NCKIPSD: variants seen among roughly 807,000 people sequenced by gnomAD.
The protein encoded by NCKIPSD is NCK interacting protein with SH3 domain.
NCKIPSD carries 48 observed loss-of-function variants against 73.4 expected under a neutral mutation model. That is an observed-to-expected ratio of 0.65 (90% CI 0.52 to 0.83). The LOEUF is 0.83. NCKIPSD is among the 40% of genes least tolerant of loss of function. The pLI is 0.00. For missense variants in NCKIPSD, 884 were observed against 970.2 expected, an observed-to-expected ratio of 0.91 and a Z score of 1.18; for synonymous variants, 422 against 403.6, an observed-to-expected ratio of 1.05 and a Z score of -0.54.
chr3:48,680,685 T>G (rs773796587), intron 5 of NCKIPSD, among the ~76,000 whole-genome samples: 1 of 152,060 alleles, frequency 6.6e-6, no homozygotes, highest in Non-Finnish European at 1.5e-5. Flanking sequence ...ACAGGAACCA[T>G]GGAGCACTAA....
chr3:48,676,019 TGCCTGCACATCAAACACCAGC>T (rs2077251686), intron 12 of NCKIPSD, among the ~76,000 whole-genome samples: 1 of 152,182 alleles, frequency 6.6e-6, no homozygotes, highest in African/African-American at 2.4e-5. Context: ...CATACTGAGG[TGCCTGCACATCAAACACCAGC>T]GTCTAAGCTA....
chr3:48,682,766 C>G, intron 2 of NCKIPSD, 137 bp downstream of exon 2: 1 of 1,321,798 alleles, frequency 7.6e-7, no homozygotes, highest in Non-Finnish European at 1.0e-6. Flanking sequence ...CCACCTTGCT[C>G]ACTGGGAGGT....
At chr3:48,682,756 C>T (rs1223111637) in intron 2 of NCKIPSD, 147 bp downstream of exon 2, 1 of 1,276,348 alleles carries the variant, frequency 7.8e-7, no homozygotes, top group African/African-American at 1.5e-5. Context: ...GGACCCGACC[C>T]CACCTTGCTC....
chr3:48,679,340 G>T, intron 9 of NCKIPSD, 37 bp downstream of exon 9: 1 of 1,613,650 alleles, frequency 6.2e-7, no homozygotes, highest in South Asian at 1.1e-5. Context: ...CCCTGGCTTA[G>T]GACCTGTGAT....
rs992834641 is a variant in NCKIPSD, at chr3:48,685,873, G to A, written c.-66C>T. 7 of 1,313,234 alleles carry A rather than the reference G, an allele frequency of 5.3e-6. No individual in the cohort carries two copies. Among genetic ancestry groups the A allele is most frequent in the East Asian group, 6.3e-5 (2 of 31,846 alleles). The allele number at this position is 1,313,234 out of a possible 1,614,324, so 81.3% of individuals were successfully genotyped here. A position where few individuals can be genotyped will look rare whatever the true frequency, so the allele number is the denominator to read the frequency against. On this transcript the variant is annotated 5_prime_UTR_variant, in exon 1 of 13. Transcript: ENST00000294129. ...GCGGCGCCACAACGCCAGGCCGGGA[G>A]CGCCGAGCCGCGCCGCGGTTGTCCC...
In NCKIPSD at chr3:48,682,933, T is replaced by G; in HGVS notation, c.251A>C (p.Lys84Thr). The change falls in exon 2 of 13, where the codon AAG becomes ACG. Residue 84 changes from lysine (K) to threonine (T), a missense_variant. Lys to Thr is a moderately conservative substitution (Grantham distance 78). Coordinates refer to ENST00000294129, the MANE Select transcript of NCKIPSD (RefSeq NM_016453.4). The part of the protein sequence containing the change: ...VHNTAMRDGG[K>T]YSLEQRGVLQ... ...GACTCCACGCTGTTCCAGGCTGTAC[T>G]TGCCACCATCCCGCATGGCTGTGTT... 1 of 1,552,986 alleles carries G rather than the reference T, an allele frequency of 6.4e-7. No homozygotes were observed. The highest frequency in any genetic ancestry group is 8.7e-7 in the Non-Finnish European group (1 of 1,148,404).
intron 2 of NCKIPSD, 37 bp from the exon 3 acceptor site, chr3:48,682,589 T>C: frequency 1.2e-6 from 2 of 1,605,968 alleles, no homozygotes; most frequent in South Asian, 1.1e-5. Context: ...GGGGGTTGCA[T>C]CTCACAGCTC....
Position 48,674,638 on chromosome 3 carries a change from T to C in NCKIPSD, c.2075A>G (p.Asn692Ser). The C allele has an allele frequency of 6.2e-7, 1 of 1,613,690 alleles. No homozygotes were observed. The highest frequency in any genetic ancestry group is 8.5e-7 in the Non-Finnish European group (1 of 1,179,854). ...DLQAILRRIL[N>S]EEETSPQCQM... is the part of the protein sequence containing the mutation. Reference sequence around the variant, plus strand: ...GCACTGGGGTGAGGTCTCCTCCTCATTCAGGATGCGTCGCAGTATGGCCTG... The same window carrying C: ...GCACTGGGGTGAGGTCTCCTCCTCACTCAGGATGCGTCGCAGTATGGCCTG... The change falls in exon 13 of 13, where the codon AAT (asparagine) becomes AGT (serine). Residue 692 changes from asparagine to serine, a missense_variant. By Grantham distance (46) the Asn-to-Ser change is conservative. Coordinates refer to ENST00000294129, the MANE Select transcript of NCKIPSD (RefSeq NM_016453.4).
In NCKIPSD at chr3:48,682,538, T is replaced by C. The variant is rs771902107; in HGVS notation, c.296A>G (p.His99Arg). 1 of 1,613,950 alleles carries C rather than the reference T, an allele frequency of 6.2e-7. No individual in the cohort carries two copies. Among genetic ancestry groups the C allele is most frequent in the Admixed American group, 1.7e-5 (1 of 60,018 alleles). ...TCTGCGTGACAGGGTCTCTTTCCGGTGGTGGATCAGCTTCCTGATGGAAGG... is the reference window on the plus strand; with the variant it reads ...TCTGCGTGACAGGGTCTCTTTCCGGCGGTGGATCAGCTTCCTGATGGAAGG... ...QRGVLQKLIH[H>R]RKETLSRRGP... is the part of the protein sequence containing the mutation. The change falls in exon 3 of 13, where the codon CAC (histidine) becomes CGC (arginine). Residue 99 changes from histidine to arginine, a missense_variant. By Grantham distance (29) the His-to-Arg change is conservative. Transcript: ENST00000294129.
chr3:48,681,394 C>T lies in NCKIPSD; in HGVS notation c.985G>A (p.Glu329Lys), dbSNP rs137864991. 98 of 1,612,418 alleles carry T rather than the reference C, an allele frequency of 6.1e-5. No individual in the cohort carries two copies. The African/African-American group carries it at 1.1e-3, about 18-fold the overall frequency. ...LVRRNTGLSH[E>K]LCRVAIGIIV... ...ATGCCGATGGCCACCCGGCATAATTCGTGGCTCAGGCCAGTGTTTCTCCGC... is the reference window on the plus strand; with the variant it reads ...ATGCCGATGGCCACCCGGCATAATTTGTGGCTCAGGCCAGTGTTTCTCCGC... Residue 329 changes from glutamate (E) to lysine (K), a missense_variant, in exon 5 of 13, where the codon GAA becomes AAA. Transcript: ENST00000294129.
intron 1 of NCKIPSD, 91 bp from the exon 2 acceptor site, chr3:48,683,103 A>G: frequency 7.8e-6 from 12 of 1,535,614 alleles, no homozygotes; most frequent in Admixed American, 2.0e-5. Context: ...AGGGCAGAGA[A>G]CCAATATAGC....
At position 48,679,407 on chromosome 3, in the gene NCKIPSD, T is replaced by C. The variant is rs1373784749; in HGVS notation, c.1540A>G (p.Met514Val). The change falls in exon 9 of 13, where the codon ATG becomes GTG. Residue 514 changes from methionine (M) to valine (V), a missense_variant. Physicochemically the swap from Met to Val is conservative, Grantham distance 21. Coordinates refer to ENST00000294129, the MANE Select transcript of NCKIPSD (RefSeq NM_016453.4). Reference sequence around the variant, plus strand: ...TGTGCATAGGGCACTGCCTCTCCCATGGAGAAGACCATGGCCAGGATGAGG... The same window carrying C: ...TGTGCATAGGGCACTGCCTCTCCCACGGAGAAGACCATGGCCAGGATGAGG... Reference protein sequence around the residue: ...SALILAMVFSMGEAVPYAHYE... With the variant: ...SALILAMVFSVGEAVPYAHYE... 8 of 1,614,032 alleles carry C rather than the reference T, an allele frequency of 5.0e-6. No individual in the cohort carries two copies. The highest frequency in any genetic ancestry group is 1.3e-5 in the African/African-American group (1 of 75,008).
Position 48,679,963 on chromosome 3 carries a change from A to G in NCKIPSD, c.1264-76T>C, listed in dbSNP as rs114067341. ...AGCCGCACAAGAGAGGGCTGAGCAC[A>G]TATGTGTAGGGGAGACTCCTAGCAC... On this transcript the variant is annotated intron_variant, in intron 6 of 12. Transcript: ENST00000294129. 1.1e-3 allele frequency: 1,698 copies of G among 1,612,062 alleles called. 17 individuals carry two copies. The African/African-American group carries it at 0.02, about 19-fold the overall frequency.
rs759110075 is a variant in NCKIPSD, at chr3:48,681,278, C to T, written c.1092+9G>A. ...AGCAGGGTGGCCCTGCTGTGCCGCC[C>T]ACCCTCACCTTGCCCTCTACGAGTG... On this transcript the variant is annotated intron_variant, in intron 5 of 12. Coordinates refer to ENST00000294129, the MANE Select transcript of NCKIPSD (RefSeq NM_016453.4). 4.7e-5 allele frequency: 75 copies of T among 1,582,536 alleles called. No homozygotes were observed. The Admixed American group carries it at 1.2e-3, about 25-fold the overall frequency.
intron 2 of NCKIPSD, 80 bp from the exon 3 acceptor site, chr3:48,682,632 AC>A (rs2077374165): frequency 2.0e-6 from 3 of 1,500,086 alleles, no homozygotes; most frequent in Admixed American, 3.5e-5. Flanking sequence ...GGATGCTGGG[AC>A]CCCATAGCCC....
chr3:48,682,445 G>A lies in NCKIPSD; in HGVS notation c.389C>T (p.Ala130Val), dbSNP rs2077370409. ...ACACACCCCATTGGGCTGCCTGGCT[G>A]CAGCAGCATCCAAGTGGTGGTCACT... is the stretch of plus-strand genomic sequence containing the variant. Reference protein sequence around the residue: ...STSDHHLDAAAARQPNGVCRA... With the variant: ...STSDHHLDAAVARQPNGVCRA... The change falls in exon 3 of 13, where the codon GCA (alanine) becomes GTA (valine). Residue 130 changes from alanine (A) to valine (V), a missense_variant. Coordinates refer to ENST00000294129, the MANE Select transcript of NCKIPSD (RefSeq NM_016453.4). The A allele has an allele frequency of 4.3e-6, 7 of 1,614,174 alleles. No homozygotes were observed. The highest frequency in any genetic ancestry group is 5.9e-6 in the Non-Finnish European group (7 of 1,180,012).
At chr3:48,678,794 C>T (rs1213504601) in intron 11 of NCKIPSD, 58 bp from the exon 12 acceptor site, 4 of 1,611,970 alleles carry the variant, frequency 2.5e-6, no homozygotes, top group African/African-American at 2.7e-5. Context: ...CAGAGTCACC[C>T]CAGGGGGTTA....
chr3:48,681,954 G>C (rs1251801884), intron 4 of NCKIPSD, 91 bp downstream of exon 4: 4 of 1,505,826 alleles, frequency 2.7e-6, no homozygotes, highest in Non-Finnish European at 3.6e-6. Context: ...CTCTTCCCCA[G>C]CTTAGAGCCT....
rs750894262 is a variant in NCKIPSD, at chr3:48,674,708, G to A, written c.2005C>T (p.Arg669Cys). ...EYLSLMHAIV[R>C]TTPYLQHRHR... ...CGGTGCTGCAGGTAGGGTGTGGTGCGGACTATAGCATGCATCAGGGAGAGG... is the reference window on the plus strand; with the variant it reads ...CGGTGCTGCAGGTAGGGTGTGGTGCAGACTATAGCATGCATCAGGGAGAGG... Residue 669 changes from arginine (R) to cysteine (C), a missense_variant, in exon 13 of 13, where the codon CGC (arginine) becomes TGC (cysteine). Arg to Cys is a radical substitution (Grantham distance 180). Coordinates refer to ENST00000294129, the MANE Select transcript of NCKIPSD (RefSeq NM_016453.4). 3.4e-5 allele frequency: 55 copies of A among 1,613,862 alleles called. No homozygotes were observed. Among genetic ancestry groups the A allele is most frequent in the Non-Finnish European group, 4.0e-5 (47 of 1,179,992 alleles).
Sources: gnomAD v4.1 joint callset for allele counts (sites outside exome capture counted in the v4.1 genomes callset) on GRCh38, gnomAD v4.1.1 for gene constraint, MANE v1.5 for transcripts, NCBI Gene and HGNC (gene_info 2026-07-23, HGNC 2026-07-21) for gene names.